ADGRV1: variants seen among roughly 807,000 people sequenced by gnomAD.
ADGRV1 encodes adhesion G protein-coupled receptor V1.
Under a neutral mutation model 596.2 loss-of-function variants are expected in ADGRV1, and 359 were observed. That is an observed-to-expected ratio of 0.60 (90% CI 0.55 to 0.66). The LOEUF is 0.66. Among genes scored for constraint, ADGRV1 ranks in the 30% least tolerant of loss-of-function variants. The pLI is 0.00. For synonymous variants in ADGRV1, 2,681 were observed against 2,679.2 expected (o/e 1.00, Z -0.02); for missense variants, 7,274 against 7,575.6 (o/e 0.96, Z 1.48).
intron 17 of ADGRV1, among the ~76,000 whole-genome samples, chr5:90,650,983 A>G (rs1012597902): frequency 6.6e-6 from 1 of 152,170 alleles, no homozygotes; most frequent in African/African-American, 2.4e-5. Context: ...AGTGATGAGA[A>G]GAGACCCAAT....
intron 48 of ADGRV1, among the ~76,000 whole-genome samples, chr5:90,727,601 T>G (rs1394512656): frequency 6.6e-6 from 1 of 152,222 alleles, no homozygotes; most frequent in Non-Finnish European, 1.5e-5. Flanking sequence ...AATTTGAAAT[T>G]ATTTAATATG....
At chr5:90,754,171 A>C (rs1408736417) in intron 54 of ADGRV1, among the ~76,000 whole-genome samples, 3 of 152,106 alleles carry the variant, frequency 2.0e-5, no homozygotes, top group Non-Finnish European at 2.9e-5. Context: ...ATAGATTTTC[A>C]CTAGTTACAG....
intron 87 of ADGRV1, among the ~76,000 whole-genome samples, chr5:91,130,638 TA>T (rs1279181563): frequency 1.3e-5 from 2 of 152,194 alleles, no homozygotes; most frequent in Non-Finnish European, 2.9e-5. Flanking sequence ...TTTCATTTTT[TA>T]AATTTTAGAT....
chr5:90,765,156 ACTGGG>A (rs1756965418), intron 59 of ADGRV1, among the ~76,000 whole-genome samples: 1 of 152,002 alleles, frequency 6.6e-6, no homozygotes, highest in African/African-American at 2.4e-5. Flanking sequence ...TCTGTTCAGA[ACTGGG>A]CCTTTCACCA....
chr5:90,952,356 C>G (rs139588030), intron 83 of ADGRV1, among the ~76,000 whole-genome samples: 1,708 of 152,254 alleles, frequency 0.011, 14 homozygotes, highest in South Asian at 0.027. Flanking sequence ...TCTGATCAGC[C>G]AATTGTGGAA....
At chr5:90,618,322 A>G (rs1332213910) in intron 3 of ADGRV1, among the ~76,000 whole-genome samples, 2 of 152,214 alleles carry the variant, frequency 1.3e-5, no homozygotes, top group Non-Finnish European at 2.9e-5. Context: ...AAAAGCGGGC[A>G]TGGAAGTGGG....
chr5:90,896,474 C>T (rs774517048), intron 83 of ADGRV1, among the ~76,000 whole-genome samples: 2 of 151,696 alleles, frequency 1.3e-5, no homozygotes, highest in African/African-American at 4.8e-5. Context: ...AGGGTTTTGC[C>T]ATGTTGCCCA....
chr5:91,006,913 G>A (rs1200842724), intron 85 of ADGRV1, among the ~76,000 whole-genome samples: 1 of 152,094 alleles, frequency 6.6e-6, no homozygotes. Context: ...ACAGGAGGTG[G>A]TACAGTGGGT....
At chr5:90,642,460 G>A (rs1040587732) in intron 11 of ADGRV1, among the ~76,000 whole-genome samples, 176 bp from the exon 12 acceptor site, 2 of 152,156 alleles carry the variant, frequency 1.3e-5, no homozygotes, top group African/African-American at 4.8e-5. Context: ...ACTGTTATGA[G>A]TAAAACTGTT....
intron 86 of ADGRV1, among the ~76,000 whole-genome samples, chr5:91,096,171 TA>T (rs1388136397): frequency 6.6e-6 from 1 of 152,200 alleles, no homozygotes; most frequent in Non-Finnish European, 1.5e-5. Context: ...GAGGTAAAAT[TA>T]AAACAAGTAC....
At chr5:91,086,354 T>A (rs1789874459) in intron 86 of ADGRV1, among the ~76,000 whole-genome samples, 1 of 152,188 alleles carries the variant, frequency 6.6e-6, no homozygotes, top group South Asian at 2.1e-4. Context: ...TCAACTTTGC[T>A]CCTCTGCCTT....
intron 83 of ADGRV1, among the ~76,000 whole-genome samples, chr5:90,938,096 T>G (rs919667544): frequency 6.6e-6 from 1 of 152,248 alleles, no homozygotes; most frequent in African/African-American, 2.4e-5. Flanking sequence ...ACCTTATTTT[T>G]TTAATCCATC....
At chr5:91,141,784 G>C (rs1025265390) in intron 87 of ADGRV1, among the ~76,000 whole-genome samples, 2 of 152,168 alleles carry the variant, frequency 1.3e-5, no homozygotes, top group African/African-American at 4.8e-5. Flanking sequence ...TTTGAAGCCA[G>C]AAACAAGAGA....
In ADGRV1 at chr5:90,652,476, G is replaced by A. The variant is rs1385594108; in HGVS notation, c.3547G>A (p.Glu1183Lys). ...AACTGTTAACTTCATGGATGGAGAA[G>A]AAGCAAAACCAATCATTCTCCATGC... The part of the protein sequence containing the change: ...SGTVNFMDGE[E>K]AKPIILHAFP... The change falls in exon 19 of 90, where the codon GAA becomes AAA. Residue 1183 changes from glutamate (E) to lysine (K), a missense_variant. Glu to Lys is a moderately conservative substitution (Grantham distance 56). This residue lies in a region of ADGRV1 where 1,715 missense variants were observed against 1,708.8 expected (regional missense o/e 1.00). Coordinates refer to ENST00000405460, the MANE Select transcript of ADGRV1 (RefSeq NM_032119.4). 2 of 1,613,488 alleles carry A rather than the reference G, an allele frequency of 1.2e-6. No individual in the cohort carries two copies. The highest frequency in any genetic ancestry group is 1.7e-6 in the Non-Finnish European group (2 of 1,179,562).
At position 90,720,844 on chromosome 5, in the gene ADGRV1, G is replaced by A. The variant is rs74485117; in HGVS notation, c.9624-91G>A. 2,260 of 1,052,638 alleles carry A rather than the reference G, an allele frequency of 2.1e-3. 24 individuals are homozygous for A. In the African/African-American group the frequency reaches 0.033, roughly 15 times the overall value. 65.2% of individuals were successfully genotyped at this position (1,052,638 alleles called of 1,614,324 possible). On this transcript the variant is annotated intron_variant, in intron 44 of 89. Transcript: ENST00000405460. ...TCTTGGATTGTGTAAATTTAAAAAT[G>A]TATTAAGTATATGCTAGCAATATGA...
chr5:90,788,376 A>G (rs1759709530), intron 68 of ADGRV1, 66 bp downstream of exon 68: 2 of 1,404,448 alleles, frequency 1.4e-6, no homozygotes, highest in African/African-American at 1.4e-5. Context: ...ATACATTTAC[A>G]TTTGTTGAAA....
chr5:90,876,723 G>A (rs1393102986), intron 83 of ADGRV1, among the ~76,000 whole-genome samples: 1 of 152,170 alleles, frequency 6.6e-6, no homozygotes, highest in Non-Finnish European at 1.5e-5. Context: ...CCTCCTGTTT[G>A]AGTCTTAAAG....
chr5:90,799,391 A>G (rs1252195221), intron 70 of ADGRV1, among the ~76,000 whole-genome samples: 1 of 152,224 alleles, frequency 6.6e-6, no homozygotes, highest in Admixed American at 6.5e-5. Context: ...GACCTTTTCA[A>G]GGACAACCAC....
At chr5:90,816,762 T>C (rs1042490848) in intron 75 of ADGRV1, among the ~76,000 whole-genome samples, 5 of 151,820 alleles carry the variant, frequency 3.3e-5, no homozygotes, top group African/African-American at 1.2e-4. Context: ...TATGGCTGCA[T>C]AGTATTCCAT....
Sources: allele counts gnomAD v4.1 joint callset (sites outside exome capture counted in the v4.1 genomes callset), GRCh38; gene constraint gnomAD v4.1.1; regional missense constraint gnomAD v4.1.1; transcripts MANE v1.5; gene names NCBI Gene and HGNC (gene_info 2026-07-23, HGNC 2026-07-21).